Variants in RAB11FIP3 observed in about 807,000 individuals in gnomAD.
RAB11FIP3 encodes rab11 family-interacting protein 3.
In RAB11FIP3, 17 loss-of-function variants were observed where a neutral mutation model predicts 77.8. The observed-to-expected ratio is 0.22, with a 90% confidence interval of 0.15 to 0.33. RAB11FIP3 has a LOEUF of 0.33. Among genes scored for constraint, RAB11FIP3 ranks in the 10% least tolerant of loss-of-function variants. The pLI is 1.00. For missense variants in RAB11FIP3, 1,005 were observed against 1,011.2 expected (o/e 0.99, Z 0.08); for synonymous variants, 437 against 448.2 (o/e 0.98, Z 0.31).
intron 6 of RAB11FIP3, among the ~76,000 whole-genome samples, chr16:501,060 TC>T (rs2031483856): frequency 1.3e-5 from 2 of 152,212 alleles, no homozygotes; most frequent in Non-Finnish European, 2.9e-5. Context: ...ACCGGTGTGT[TC>T]CAGCTGGTGC....
Position 471,321 on chromosome 16 carries a change from G to A in RAB11FIP3, c.835G>A (p.Val279Ile). Residue 279 changes from valine to isoleucine, a missense_variant, in exon 3 of 14, where the codon GTC becomes ATC. Val to Ile is a conservative substitution (Grantham distance 29). Coordinates refer to ENST00000262305, the MANE Select transcript of RAB11FIP3 (RefSeq NM_014700.4). The surrounding 1 kb of genome is among the most constrained non-coding windows in gnomAD (Gnocchi z 4.4). Reference protein sequence around the residue: ...GDPDGQCYGGVASAQDEEPLA... With the variant: ...GDPDGQCYGGIASAQDEEPLA... Reference sequence around the variant, plus strand: ...TCCTGATGGCCAGTGCTACGGTGGTGTCGCTTCTGCCCAAGATGAGGAGCC... The same window carrying A: ...TCCTGATGGCCAGTGCTACGGTGGTATCGCTTCTGCCCAAGATGAGGAGCC... 6.2e-7 allele frequency: 1 copy of A among 1,614,026 alleles called. No individual in the cohort carries two copies. The highest frequency in any genetic ancestry group is 1.7e-4 in the Middle Eastern group (1 of 6,038).
rs374985869 is a variant in RAB11FIP3 at position 426,495 on chromosome 16, C to T, written c.489C>T (p.Pro163=). 11 of 1,579,872 alleles carry T rather than the reference C, an allele frequency of 7.0e-6. No homozygotes were observed. The highest frequency in any genetic ancestry group is 8.6e-6 in the Non-Finnish European group (10 of 1,164,052). The stretch of plus-strand genomic sequence containing the variant: ...GGGGCGAGGTCGACGTCTTCTCTCC[C>T]TTCCCCGCGCCCACGGCGGGCGAGC... ...RARGEVDVFS[P]FPAPTAGELA... is the part of the protein sequence containing the mutation. Residue 163 remains proline, a synonymous_variant, in exon 1 of 14, where the codon CCC becomes CCT. Coordinates refer to ENST00000262305, the MANE Select transcript of RAB11FIP3 (RefSeq NM_014700.4). This position sits in a 1 kb window ranked among gnomAD's most constrained non-coding sequence, Gnocchi z 5.0.
intron 6 of RAB11FIP3, chr16:497,501 G>C: frequency 1.7e-6 from 2 of 1,184,074 alleles, no homozygotes; most frequent in South Asian, 1.6e-5. Flanking sequence ...GTCCTGCTTC[G>C]TGGCCCGGCA....
chr16:447,464 C>T (rs372887732), intron 1 of RAB11FIP3, among the ~76,000 whole-genome samples: 8 of 152,096 alleles, frequency 5.3e-5, no homozygotes, highest in Non-Finnish European at 8.8e-5. Flanking sequence ...TGTGGCCGGG[C>T]GCAGTGGCTC....
At chr16:463,654 T>G (rs1006506354) in intron 2 of RAB11FIP3, among the ~76,000 whole-genome samples, 3 of 152,104 alleles carry the variant, frequency 2.0e-5, no homozygotes, top group African/African-American at 7.2e-5. Context: ...GCCAGGCTGG[T>G]CTCGAACTCC....
intron 5 of RAB11FIP3, among the ~76,000 whole-genome samples, chr16:492,421 C>T (rs992939662): frequency 7.9e-5 from 11 of 139,646 alleles, no homozygotes; most frequent in African/African-American, 2.9e-4. Flanking sequence ...CCGCCCAGGG[C>T]CCTCCCCGGG....
chr16:456,439 CAAA>C (rs548595166), intron 1 of RAB11FIP3, among the ~76,000 whole-genome samples: 1 of 105,346 alleles, frequency 9.5e-6, no homozygotes. Context: ...GACCCTGTCT[CAAA>C]AAAAAAAAAA....
intron 8 of RAB11FIP3, among the ~76,000 whole-genome samples, chr16:510,079 C>CTGCAGGTGGAGCAG (rs1567405694): frequency 1.3e-5 from 2 of 151,284 alleles, no homozygotes; most frequent in African/African-American, 4.9e-5. Context: ...TGTGTAGTGG[C>CTGCAGGTGGAGCAG]CCTGGCACCT....
Position 497,209 on chromosome 16 carries a change from G to T in RAB11FIP3, c.1301+350G>T, listed in dbSNP as rs555134606. On this transcript the variant is annotated intron_variant, in intron 6 of 13. Coordinates refer to ENST00000262305, the MANE Select transcript of RAB11FIP3 (RefSeq NM_014700.4). Reference sequence around the variant, plus strand: ...TGAGGAGCCTGGCTTCTCAGAGCCGGGTCTGGGCAGCTCCCCAAGGTGAGT... The same window carrying T: ...TGAGGAGCCTGGCTTCTCAGAGCCGTGTCTGGGCAGCTCCCCAAGGTGAGT... The T allele has an allele frequency of 6.5e-4, 791 of 1,220,012 alleles. 2 individuals are homozygous for T. The African/African-American group carries it at 0.011, about 17-fold the overall frequency. 75.6% of individuals were successfully genotyped at this position (1,220,012 alleles called of 1,614,324 possible).
chr16:458,241 C>T (rs766715712), intron 1 of RAB11FIP3, among the ~76,000 whole-genome samples: 3 of 152,244 alleles, frequency 2.0e-5, no homozygotes, highest in African/African-American at 4.8e-5. Flanking sequence ...GCCTCCTGGG[C>T]GATGCTATAG....
At chr16:457,877 T>C (rs1224416132) in intron 1 of RAB11FIP3, among the ~76,000 whole-genome samples, 4 of 152,340 alleles carry the variant, frequency 2.6e-5, no homozygotes, top group African/African-American at 7.2e-5. Context: ...AGCAAGACTC[T>C]CACATTCTTA....
intron 6 of RAB11FIP3, among the ~76,000 whole-genome samples, chr16:498,109 T>C (rs1309185387): frequency 6.6e-6 from 1 of 152,028 alleles, no homozygotes; most frequent in Non-Finnish European, 1.5e-5. Flanking sequence ...CACCTCAGCC[T>C]CCCAAAATTC....
intron 1 of RAB11FIP3, among the ~76,000 whole-genome samples, chr16:430,794 T>A (rs2055022931): frequency 6.6e-6 from 1 of 152,188 alleles, no homozygotes; most frequent in African/African-American, 2.4e-5. Flanking sequence ...GGCGGGCAGA[T>A]CATGAGGTCA....
At chr16:518,683 A>G (rs2032528212) in intron 9 of RAB11FIP3, among the ~76,000 whole-genome samples, 2 of 152,060 alleles carry the variant, frequency 1.3e-5, no homozygotes, top group Non-Finnish European at 2.9e-5. Flanking sequence ...CTGAGATCAC[A>G]CCACTGCACT....
intron 1 of RAB11FIP3, among the ~76,000 whole-genome samples, chr16:431,508 T>TC (rs2055036031): frequency 6.6e-6 from 1 of 151,902 alleles, no homozygotes; most frequent in African/African-American, 2.4e-5. Context: ...GTCTCCTGAG[T>TC]AGCTTGGACT....
Position 516,273 on chromosome 16 carries a change from C to T in RAB11FIP3, c.1641-2670C>T, listed in dbSNP as rs905909114. The stretch of plus-strand genomic sequence containing the variant: ...GGTTGGATTGAATTAGAAGGGACGG[C>T]AGGGTAACGGGATGGTGAGGACAAC... On this transcript the variant is annotated intron_variant, in intron 9 of 13. Transcript: ENST00000262305. Among the ~76,000 whole-genome samples the T allele has an allele frequency of 4.6e-5, 7 of 152,270 alleles. No homozygotes were observed. The East Asian group carries it at 9.7e-4, about 21-fold the overall frequency.
rs544515481 is a variant in RAB11FIP3, at chr16:481,489, C to A, written c.904-1036C>A. ...TCATGCCACTGCGTTCCAGTCTGGG[C>A]GATAAGAGTGAGACCCTGTCTCAAA... is the stretch of plus-strand genomic sequence containing the variant. On this transcript the variant is annotated intron_variant, in intron 3 of 13. Coordinates refer to ENST00000262305, the MANE Select transcript of RAB11FIP3 (RefSeq NM_014700.4). Among the ~76,000 whole-genome samples, 3 of 152,140 alleles carry A rather than the reference C, an allele frequency of 2.0e-5. No homozygotes were observed. In the East Asian group the frequency reaches 5.8e-4, roughly 29 times the overall value.
At chr16:502,835 C>A in intron 6 of RAB11FIP3, 169 bp from the exon 7 acceptor site, 1 of 638,870 alleles carries the variant, frequency 1.6e-6, no homozygotes, top group Non-Finnish European at 2.7e-6. Context: ...GGACCTCCCC[C>A]TGTATATAGT....
intron 9 of RAB11FIP3, among the ~76,000 whole-genome samples, chr16:517,909 C>T (rs1176173391): frequency 6.6e-6 from 1 of 152,106 alleles, no homozygotes; most frequent in Non-Finnish European, 1.5e-5. Flanking sequence ...AGTGAAACCC[C>T]GTCTCTACTA....
Sources: allele counts gnomAD v4.1 joint callset (sites outside exome capture counted in the v4.1 genomes callset), GRCh38; gene constraint gnomAD v4.1.1; non-coding constraint Gnocchi (gnomAD v3.1); transcripts MANE v1.5; gene names NCBI Gene and HGNC (gene_info 2026-07-23, HGNC 2026-07-21).